The following THBS4 variants were observed in gnomAD, a reference collection of about 807,000 sequenced individuals.
THBS4 encodes the protein thrombospondin-4.
In THBS4, 90 loss-of-function variants were observed where a neutral mutation model predicts 115.7. The ratio of observed to expected loss-of-function variants is 0.78; its 90% CI spans 0.66 to 0.93. The LOEUF is 0.93. THBS4 is among the 40% of genes least tolerant of loss of function. The pLI, the probability that THBS4 is intolerant of heterozygous loss-of-function variation, is 0.00. For missense variants in THBS4, 1,087 were observed against 1,232.7 expected, an observed-to-expected ratio of 0.88 and a Z score of 1.77; for synonymous variants, 460 against 479.3, an observed-to-expected ratio of 0.96 and a Z score of 0.53.
Position 80,068,137 on chromosome 5 carries a change from T to A in THBS4, c.1347+12T>A, listed in dbSNP as rs1254012230. On this transcript the variant is annotated intron_variant, in intron 10 of 21. Coordinates refer to ENST00000350881, the MANE Select transcript of THBS4 (RefSeq NM_003248.6). ...ATGTGACATGTGTGGTAAGTTGTTT[T>A]TTGACTTCCTCTATCATTTTTCCTC... 1.2e-6 allele frequency: 2 copies of A among 1,612,892 alleles called. No individual in the cohort carries two copies. Among genetic ancestry groups the A allele is most frequent in the Non-Finnish European group, 1.7e-6 (2 of 1,179,458 alleles).
Position 80,082,519 on chromosome 5 carries a change from G to C in THBS4, c.2798G>C (p.Trp933Ser). Residue 933 changes from tryptophan (W) to serine (S), a missense_variant, in exon 21 of 22, where the codon TGG becomes TCG. Transcript: ENST00000350881. ...TGCTTCTCTCAAGAAAACATCATCT[G>C]GTCCAACCTCAAGTATCGCTGCAAT... ...VFCFSQENII[W>S]SNLKYRCNDT... 1 of 1,614,144 alleles carries C rather than the reference G, an allele frequency of 6.2e-7. No individual in the cohort carries two copies. Among genetic ancestry groups the C allele is most frequent in the Non-Finnish European group, 8.5e-7 (1 of 1,180,034 alleles).
intron 19 of THBS4, among the ~76,000 whole-genome samples, 153 bp from the exon 20 acceptor site, chr5:80,079,752 T>C (rs17885983): frequency 0.23 from 34,417 of 152,188 alleles, 4,937 homozygotes; most frequent in Non-Finnish European, 0.33. Flanking sequence ...GTCACCTCCA[T>C]AGAAATGACA....
intron 8 of THBS4, among the ~76,000 whole-genome samples, chr5:80,062,945 T>G (rs1833690764): frequency 6.6e-6 from 1 of 152,240 alleles, no homozygotes; most frequent in South Asian, 2.1e-4. Flanking sequence ...TGATGGACAT[T>G]TGGGTTGGTT....
upstream of THBS4, among the ~76,000 whole-genome samples, chr5:80,032,861 GACAC>G (rs1446650285): frequency 6.6e-6 from 1 of 152,124 alleles, no homozygotes; most frequent in Non-Finnish European, 1.5e-5. Flanking sequence ...CACCCTCACA[GACAC>G]ACACAGGAGC....
upstream of THBS4, among the ~76,000 whole-genome samples, chr5:80,031,106 G>T (rs1381855746): frequency 6.6e-6 from 1 of 152,174 alleles, no homozygotes; most frequent in African/African-American, 2.4e-5. Flanking sequence ...GGGTTTGAAA[G>T]GTTTATTGCT....
intron 2 of THBS4, among the ~76,000 whole-genome samples, chr5:80,051,458 A>AAAT (rs1833255498): frequency 6.6e-6 from 1 of 152,236 alleles, no homozygotes; most frequent in African/African-American, 2.4e-5. Context: ...GCACTTGATA[A>AAAT]TTTTTCTGCT....
In THBS4 at chr5:80,055,867, C is replaced by T; in HGVS notation, c.375C>T (p.His125=). 6.2e-7 allele frequency: 1 copy of T among 1,614,184 alleles called. No individual in the cohort carries two copies. The highest frequency in any genetic ancestry group is 8.5e-7 in the Non-Finnish European group (1 of 1,180,012). Residue 125 remains histidine, a synonymous_variant, in exon 3 of 22, where the codon CAC becomes CAT. Transcript: ENST00000350881. ...NNLQLADGRR[H]RILLRLSNLQ... is the part of the protein sequence containing the mutation. ...TGCAGCTGGCAGACGGAAGGCGGCA[C>T]AGGATCCTCCTGAGGCTGAGCAATT... is the stretch of plus-strand genomic sequence containing the variant.
intron 2 of THBS4, among the ~76,000 whole-genome samples, chr5:80,042,001 CT>C (rs1221696508): frequency 6.6e-6 from 1 of 152,198 alleles, no homozygotes; most frequent in African/African-American, 2.4e-5. Flanking sequence ...ATGAATGGGA[CT>C]TTAACCCCTT....
At position 80,067,983 on chromosome 5, in the gene THBS4, G is replaced by T; in HGVS notation, c.1205G>T (p.Arg402Leu). 6.2e-7 allele frequency: 1 copy of T among 1,614,100 alleles called. No individual in the cohort carries two copies. The highest frequency in any genetic ancestry group is 8.5e-7 in the Non-Finnish European group (1 of 1,180,020). ...SICVNTLGSY[R>L]CGPCKPGYTG... ...CTTTGTTCCTTGCAGGGATCTTACC[G>T]CTGTGGGCCTTGTAAGCCGGGGTAT... Residue 402 changes from arginine (R) to leucine (L), a missense_variant, in exon 10 of 22, where the codon CGC (arginine) becomes CTC (leucine). Transcript: ENST00000350881.
chr5:80,010,833 G>C (rs1832110008), intron 2 of THBS4, among the ~76,000 whole-genome samples: 2 of 152,260 alleles, frequency 1.3e-5, no homozygotes, highest in Non-Finnish European at 2.9e-5. Flanking sequence ...AGCCATTCCA[G>C]GAAAGGGATG....
intron 17 of THBS4, 38 bp from the exon 18 acceptor site, chr5:80,078,883 T>C: frequency 6.2e-7 from 1 of 1,607,430 alleles, no homozygotes; most frequent in Non-Finnish European, 8.5e-7. Flanking sequence ...ACTTGGCCCC[T>C]TCAAGACTGT....
Position 80,059,864 on chromosome 5 carries a change from G to T in THBS4, c.946G>T (p.Gly316Cys). 1 of 1,613,144 alleles carries T rather than the reference G, an allele frequency of 6.2e-7. No individual in the cohort carries two copies. The highest frequency in any genetic ancestry group is 8.5e-7 in the Non-Finnish European group (1 of 1,179,752). Residue 316 changes from glycine (G) to cysteine (C), a missense_variant, in exon 7 of 22, where the codon GGC (glycine) becomes TGC (cysteine). Gly to Cys is a radical substitution (Grantham distance 159). Around this residue, in one of 3 missense-constraint regions of THBS4, gnomAD observed 979 missense variants for 1,103.7 expected, o/e 0.89. Coordinates refer to ENST00000350881, the MANE Select transcript of THBS4 (RefSeq NM_003248.6). ...CTTCCAGTGTGGGCCCTGCCCCGAG[G>T]GCTACACAGGAAACGGGATCACCTG... The part of the protein sequence containing the change: ...DGFQCGPCPE[G>C]YTGNGITCID...
At chr5:80,082,029 A>C (rs1276937396) in intron 20 of THBS4, 2 of 179,408 alleles carry the variant, frequency 1.1e-5, no homozygotes, top group Non-Finnish European at 2.3e-5. Context: ...GTATCTAGAC[A>C]AGGCAACTCA....
intron 15 of THBS4, chr5:80,075,172 ATTG>A (rs1352369560): frequency 6.6e-6 from 1 of 151,984 alleles, no homozygotes; most frequent in Non-Finnish European, 1.5e-5. Context: ...GTTATTTTTT[ATTG>A]TTCTTTTTCA....
At chr5:80,069,586 A>T (rs979753635) in intron 10 of THBS4, among the ~76,000 whole-genome samples, 1 of 152,254 alleles carries the variant, frequency 6.6e-6, no homozygotes, top group African/African-American at 2.4e-5. Flanking sequence ...GGATTAATAA[A>T]CTTGGCGTGA....
Position 80,083,087 on chromosome 5 carries a change from C to G in THBS4, c.2832C>G (p.Ile944Met), listed in dbSNP as rs1295092220. 6.8e-6 allele frequency: 11 copies of G among 1,613,914 alleles called. No homozygotes were observed. The highest frequency in any genetic ancestry group is 2.7e-5 in the African/African-American group (2 of 74,940). The change falls in exon 22 of 22, where the codon ATC becomes ATG. Residue 944 changes from isoleucine (I) to methionine (M), a missense_variant. Around this residue, in one of 3 missense-constraint regions of THBS4, gnomAD observed 103 missense variants for 108.2 expected, o/e 0.95. Coordinates refer to ENST00000350881, the MANE Select transcript of THBS4 (RefSeq NM_003248.6). ...TGCCCATTCCTATTGCAGACACCAT[C>G]CCTGAGGACTTCCAAGAGTTTCAAA... Reference protein sequence around the residue: ...SNLKYRCNDTIPEDFQEFQTQ... With the variant: ...SNLKYRCNDTMPEDFQEFQTQ...
intron 15 of THBS4, 91 bp from the exon 16 acceptor site, chr5:80,076,764 A>C (rs1743237378): frequency 1.1e-5 from 15 of 1,308,942 alleles, no homozygotes; most frequent in Non-Finnish European, 1.5e-5. Context: ...GGTTTAAAAA[A>C]AACCTCAAGC....
chr5:80,014,711 G>C (rs1487028954), intron 2 of THBS4, among the ~76,000 whole-genome samples: 4 of 152,172 alleles, frequency 2.6e-5, no homozygotes, highest in African/African-American at 9.7e-5. Flanking sequence ...AATTGGACAA[G>C]AGTGAGGAAA....
chr5:80,058,357 C>A (rs548260913), intron 4 of THBS4, 43 bp downstream of exon 4: 60 of 1,428,794 alleles, frequency 4.2e-5, no homozygotes, highest in Non-Finnish European at 5.8e-5. Context: ...TCAACACAAA[C>A]TCCAAAGACC....
Sources: gnomAD v4.1 joint callset for allele counts (sites outside exome capture counted in the v4.1 genomes callset) on GRCh38, gnomAD v4.1.1 for gene constraint, gnomAD v4.1.1 regional missense constraint, MANE v1.5 for transcripts, NCBI Gene and HGNC (gene_info 2026-07-23, HGNC 2026-07-21) for gene names.